Variants in PTPRE observed in about 807,000 individuals in gnomAD.
PTPRE encodes the protein protein tyrosine phosphatase receptor type E.
Under a neutral mutation model 102.0 loss-of-function variants are expected in PTPRE, and 51 were observed. That is an observed-to-expected ratio of 0.50 (90% CI 0.40 to 0.63). The LOEUF is 0.63. Ranked by LOEUF, PTPRE falls within the 30% of genes least tolerant of loss-of-function variation. The probability of loss-of-function intolerance (pLI) is 0.00; values close to 1 mark genes in which losing one functional copy is unlikely to be tolerated. For synonymous variants in PTPRE, 345 were observed against 348.2 expected, an observed-to-expected ratio of 0.99 and a Z score of 0.10; for missense variants, 752 against 915.1, an observed-to-expected ratio of 0.82 and a Z score of 2.30.
At chr10:128,023,376 A>G in intron 2 of PTPRE, among the ~76,000 whole-genome samples, 1 of 152,296 alleles carries the variant, frequency 6.6e-6, no homozygotes, top group South Asian at 2.1e-4. Flanking sequence ...TACGTATAGG[A>G]AAAAGCATAG....
intron 16 of PTPRE, 119 bp from the exon 17 acceptor site, chr10:128,073,218 A>G (rs976650016): frequency 1.4e-6 from 2 of 1,409,192 alleles, no homozygotes; most frequent in Middle Eastern, 1.9e-4. Context: ...TCTGGTGCAG[A>G]CCATGGAGGA....
chr10:127,931,213 A>G lies in PTPRE; in HGVS notation c.-31+23904A>G, dbSNP rs192411910. Among the ~76,000 whole-genome samples, 58 of 152,138 alleles carry G rather than the reference A, an allele frequency of 3.8e-4. 1 individual carries two copies. The highest frequency in any genetic ancestry group is 1.3e-3 in the African/African-American group (55 of 41,494). On this transcript the variant is annotated intron_variant, in intron 1 of 20. Coordinates refer to ENST00000254667, the MANE Select transcript of PTPRE (RefSeq NM_006504.6). ...GTGTCCAGTATCTTTTCAGGCCCTTATTTGTATATAAAGTTGTTTATCTCC... is the reference window on the plus strand; with the variant it reads ...GTGTCCAGTATCTTTTCAGGCCCTTGTTTGTATATAAAGTTGTTTATCTCC...
chr10:128,048,501 G>A (rs541698296), intron 5 of PTPRE, among the ~76,000 whole-genome samples: 25 of 152,246 alleles, frequency 1.6e-4, no homozygotes, highest in African/African-American at 5.1e-4. Flanking sequence ...CACACGTGCC[G>A]TCAGACTAAA....
chr10:127,915,730 A>G (rs1846158849), intron 1 of PTPRE, among the ~76,000 whole-genome samples: 1 of 152,206 alleles, frequency 6.6e-6, no homozygotes, highest in African/African-American at 2.4e-5. Flanking sequence ...TCAAATGTAA[A>G]TAGTGTTTAA....
chr10:128,068,106 C>G lies in PTPRE; in HGVS notation c.844-17C>G. 1 of 1,606,460 alleles carries G rather than the reference C, an allele frequency of 6.2e-7. No homozygotes were observed. ...AGGATTGTTTCACCCACTCTTGTCT[C>G]CCCGCGTCCCCCGCAGCAGCTCCCC... On this transcript the variant is annotated splice_polypyrimidine_tract_variant and intron_variant, in intron 11 of 20. Transcript: ENST00000254667.
In PTPRE at chr10:128,070,032, T is replaced by A. The variant is rs188724117; in HGVS notation, c.1143+205T>A. The A allele has an allele frequency of 7.6e-5, 58 of 763,310 alleles. No individual in the cohort carries two copies. In the East Asian group the frequency reaches 9.2e-4, roughly 12 times the overall value. The allele number at this position is 763,310 out of a possible 1,614,324, so 47.3% of individuals were successfully genotyped here. A position where few individuals can be genotyped will look rare whatever the true frequency, so the allele number is the denominator to read the frequency against. On this transcript the variant is annotated intron_variant, in intron 13 of 20. Coordinates refer to ENST00000254667, the MANE Select transcript of PTPRE (RefSeq NM_006504.6). This position sits in a 1 kb window ranked among gnomAD's most constrained non-coding sequence, Gnocchi z 4.8. The stretch of plus-strand genomic sequence containing the variant: ...CTCATCTTTCCCTCGTATCCTCATG[T>A]GAGATGGGGCAATCCTACTCCCCCA...
Position 128,068,225 on chromosome 10 carries a change from T to C in PTPRE, c.946T>C (p.Phe316Leu), listed in dbSNP as rs1224029342. The C allele has an allele frequency of 6.2e-7, 1 of 1,614,072 alleles. No homozygotes were observed. The highest frequency in any genetic ancestry group is 8.5e-7 in the Non-Finnish European group (1 of 1,179,970). ...VPFTPIGMLK[F>L]LKKVKTLNPV... is the part of the protein sequence containing the mutation. ...TTTTACCCCCATTGGGATGCTGAAG[T>C]TCCTCAAGAAAGTAAAGACGCTCAA... The change falls in exon 12 of 21, where the codon TTC (phenylalanine) becomes CTC (leucine). Residue 316 changes from phenylalanine (F) to leucine (L), a missense_variant. Physicochemically the swap from Phe to Leu is conservative, Grantham distance 22. Around this residue, in one of 2 missense-constraint regions of PTPRE, gnomAD observed 636 missense variants for 824.4 expected, o/e 0.77. Transcript: ENST00000254667.
chr10:127,935,239 A>G (rs1847762567), intron 1 of PTPRE, among the ~76,000 whole-genome samples: 1 of 152,092 alleles, frequency 6.6e-6, no homozygotes, highest in Admixed American at 6.5e-5. Flanking sequence ...CGGGGCTTCC[A>G]GCTCCCGTGG....
chr10:128,017,506 C>T (rs1366322943), intron 2 of PTPRE, among the ~76,000 whole-genome samples: 1 of 152,016 alleles, frequency 6.6e-6, no homozygotes, highest in Non-Finnish European at 1.5e-5. Context: ...GTGGAAGGTA[C>T]AGAATTTCCA....
In PTPRE at chr10:128,083,864, A is replaced by G. The variant is rs1475809438; in HGVS notation, c.*958A>G. On this transcript the variant is annotated 3_prime_UTR_variant, in exon 21 of 21. Coordinates refer to ENST00000254667, the MANE Select transcript of PTPRE (RefSeq NM_006504.6). ...CAGAGGAGCACACATTAGGATAGAA[A>G]CAGTAGAATAACCACGGGCAATTAA... 6.6e-6 allele frequency: 1 copy of G among 152,234 alleles called. No homozygotes were observed. The highest frequency in any genetic ancestry group is 2.4e-5 in the African/African-American group (1 of 41,460). 9.4% of individuals were successfully genotyped at this position (152,234 alleles called of 1,614,324 possible). A position where few individuals can be genotyped will look rare whatever the true frequency, so the allele number is the denominator to read the frequency against.
chr10:128,069,627 G>C (rs892337848), intron 12 of PTPRE, 65 bp from the exon 13 acceptor site: 17 of 1,597,328 alleles, frequency 1.1e-5, no homozygotes, highest in African/African-American at 9.5e-5. Context: ...AGGCCCCTTC[G>C]GGGCCTTTCA....
rs559732252 is a variant in PTPRE, at chr10:128,065,049, C to T, written c.724-1026C>T. 7.2e-5 allele frequency among the ~76,000 whole-genome samples: 11 copies of T among 152,326 alleles called. No individual in the cohort carries two copies. In the East Asian group the frequency reaches 1.5e-3, roughly 21 times the overall value. ...CCATAGGGCCAAGACTCACCCAAAC[C>T]GGGACATGTAGGCATTTGCAATTCC... On this transcript the variant is annotated intron_variant, in intron 10 of 20. Transcript: ENST00000254667.
chr10:127,976,058 C>G (rs1009111877), intron 1 of PTPRE, among the ~76,000 whole-genome samples: 9 of 152,124 alleles, frequency 5.9e-5, no homozygotes, highest in Non-Finnish European at 4.4e-5. Context: ...CTGCAAGGGT[C>G]TTCTCTTGGT....
intron 6 of PTPRE, among the ~76,000 whole-genome samples, chr10:128,051,901 T>C (rs1232450075): frequency 2.0e-5 from 3 of 152,156 alleles, no homozygotes; most frequent in African/African-American, 4.8e-5. Context: ...TCTCGCTGTG[T>C]CTCCCAGGCT....
intron 1 of PTPRE, among the ~76,000 whole-genome samples, chr10:127,939,214 CTT>C (rs1848045629): frequency 6.6e-6 from 1 of 152,002 alleles, no homozygotes; most frequent in Non-Finnish European, 1.5e-5. Flanking sequence ...AGTAACATGA[CTT>C]GAGAAATTTT....
chr10:127,996,596 T>A (rs181540056), intron 2 of PTPRE, among the ~76,000 whole-genome samples: 3 of 152,314 alleles, frequency 2.0e-5, no homozygotes, highest in African/African-American at 4.8e-5. Context: ...CCCCTTCCCA[T>A]CCAGCTAGTA....
rs756875263 is a variant in PTPRE at position 128,076,586 on chromosome 10, T to G, written c.1600-17T>G. On this transcript the variant is annotated splice_polypyrimidine_tract_variant and intron_variant, in intron 17 of 20. Transcript: ENST00000254667. ...ATTATTTATTACAAGACTTAAATTTTTATTTTATCCCCTAAGGATAAATGC... is the reference window on the plus strand; with the variant it reads ...ATTATTTATTACAAGACTTAAATTTGTATTTTATCCCCTAAGGATAAATGC... 2 of 1,558,758 alleles carry G rather than the reference T, an allele frequency of 1.3e-6. No homozygotes were observed. The highest frequency in any genetic ancestry group is 4.6e-5 in the East Asian group (2 of 43,036).
intron 2 of PTPRE, among the ~76,000 whole-genome samples, chr10:128,017,664 C>A (rs1564887476): frequency 1.3e-5 from 2 of 152,130 alleles, no homozygotes; most frequent in African/African-American, 4.8e-5. Flanking sequence ...TGGCCACATT[C>A]TGTGGGTTTG....
intron 2 of PTPRE, among the ~76,000 whole-genome samples, chr10:128,030,856 C>G (rs1350391269): frequency 9.2e-5 from 14 of 152,164 alleles, no homozygotes; most frequent in Non-Finnish European, 2.1e-4. Context: ...CGGCTGACTC[C>G]CTTTCTCCCC....
Sources: gnomAD v4.1 joint callset for allele counts (sites outside exome capture counted in the v4.1 genomes callset) on GRCh38, gnomAD v4.1.1 for gene constraint, gnomAD v4.1.1 regional missense constraint, Gnocchi (gnomAD v3.1) non-coding constraint, MANE v1.5 for transcripts, NCBI Gene and HGNC (gene_info 2026-07-23, HGNC 2026-07-21) for gene names.